Variants in SAMD5 observed in about 807,000 individuals in gnomAD.
SAMD5 encodes sterile alpha motif domain-containing protein 5.
SAMD5 carries 13 observed loss-of-function variants against 11.3 expected under a neutral mutation model. The observed-to-expected ratio is 1.15, with a 90% CI of 0.75 to 1.83. The LOEUF is 1.83. Among genes scored for constraint, SAMD5 ranks in the 40% most tolerant of loss-of-function variants. SAMD5 has a pLI of 0.00. For synonymous variants in SAMD5, 129 were observed against 111.3 expected (o/e 1.16, Z -1.00); for missense variants, 255 against 239.1 (o/e 1.07, Z -0.44).
At chr6:147,800,846 A>G in the SAMD5 span, among the ~76,000 whole-genome samples, 2 of 152,184 alleles carry the variant, frequency 1.3e-5, no homozygotes, top group African/African-American at 4.8e-5. Context: ...CATTTGTGTA[A>G]CAAATACCTT....
the SAMD5 span, among the ~76,000 whole-genome samples, chr6:147,843,649 T>C: frequency 6.6e-6 from 1 of 152,074 alleles, no homozygotes; most frequent in Admixed American, 6.6e-5. Context: ...AACAGACACG[T>C]CAACCAATGA....
At chr6:147,786,712 ATT>A in the SAMD5 span, among the ~76,000 whole-genome samples, 1 of 152,210 alleles carries the variant, frequency 6.6e-6, no homozygotes, top group Admixed American at 6.5e-5. Flanking sequence ...AGTTGGGCTC[ATT>A]TTGATGCTAT....
At chr6:147,520,747 A>G (rs2128439967) in intron 1 of SAMD5, among the ~76,000 whole-genome samples, 1 of 152,294 alleles carries the variant, frequency 6.6e-6, no homozygotes, top group South Asian at 2.1e-4. Context: ...GATATAATTG[A>G]CAAATAAAAA....
chr6:147,726,120 T>C (rs1213531183), intron 1 of SAMD5, among the ~76,000 whole-genome samples: 2 of 152,206 alleles, frequency 1.3e-5, no homozygotes. Flanking sequence ...CTACTATTGC[T>C]AGAAACTGCA....
intron 1 of SAMD5, among the ~76,000 whole-genome samples, chr6:147,539,491 C>A (rs905031157): frequency 5.9e-5 from 9 of 152,132 alleles, no homozygotes; most frequent in Non-Finnish European, 1.3e-4. Flanking sequence ...AAACTCAAAA[C>A]CGTCAGATAT....
chr6:147,747,627 C>T, the SAMD5 span, among the ~76,000 whole-genome samples: 1 of 152,194 alleles, frequency 6.6e-6, no homozygotes, highest in African/African-American at 2.4e-5. Flanking sequence ...CTTTCCACCT[C>T]AGCCTCCCGT....
At chr6:147,768,305 C>T in the SAMD5 span, among the ~76,000 whole-genome samples, 2 of 152,144 alleles carry the variant, frequency 1.3e-5, no homozygotes, top group African/African-American at 4.8e-5. Context: ...CGAAACCAGC[C>T]TGGCCAACAT....
intron 1 of SAMD5, among the ~76,000 whole-genome samples, chr6:147,596,684 T>A (rs1374490823): frequency 6.6e-6 from 1 of 152,218 alleles, no homozygotes; most frequent in Non-Finnish European, 1.5e-5. Flanking sequence ...TCACTTAGAT[T>A]TACTCTAGCC....
At chr6:147,726,224 C>A (rs968311797) in intron 1 of SAMD5, among the ~76,000 whole-genome samples, 23 of 152,312 alleles carry the variant, frequency 1.5e-4, no homozygotes, top group African/African-American at 4.8e-4. Flanking sequence ...CTACCACCCA[C>A]CCCCGTTCCT....
At chr6:147,824,689 T>C in the SAMD5 span, among the ~76,000 whole-genome samples, 1 of 152,206 alleles carries the variant, frequency 6.6e-6, no homozygotes. Flanking sequence ...TAAATGTAAA[T>C]TTAAAATTTA....
At chr6:147,702,014 A>G (rs1791260019) in intron 1 of SAMD5, among the ~76,000 whole-genome samples, 1 of 152,244 alleles carries the variant, frequency 6.6e-6, no homozygotes, top group Non-Finnish European at 1.5e-5. Context: ...CTGCTAAAAA[A>G]GACATACCTG....
intron 1 of SAMD5, among the ~76,000 whole-genome samples, chr6:147,680,153 T>A (rs544637321): frequency 8.4e-6 from 1 of 119,402 alleles, no homozygotes; most frequent in Non-Finnish European, 1.9e-5. Context: ...TTAATGACAA[T>A]GATGAGTCTT....
the SAMD5 span, among the ~76,000 whole-genome samples, chr6:147,884,244 T>C: frequency 6.6e-6 from 1 of 152,058 alleles, no homozygotes; most frequent in East Asian, 1.9e-4. Flanking sequence ...TAGGGAGGGC[T>C]GGCGCATTTA....
At chr6:147,733,031 C>T (rs1164295142) in intron 1 of SAMD5, among the ~76,000 whole-genome samples, 1 of 152,222 alleles carries the variant, frequency 6.6e-6, no homozygotes, top group Non-Finnish European at 1.5e-5. Flanking sequence ...CGTTGGGTGT[C>T]AACTGATTCC....
the SAMD5 span, among the ~76,000 whole-genome samples, chr6:147,804,858 A>G: frequency 1.3e-5 from 2 of 152,228 alleles, no homozygotes. Flanking sequence ...TTATGTCTCT[A>G]TAAAATTCTA....
the SAMD5 span, among the ~76,000 whole-genome samples, chr6:147,832,508 A>C: frequency 1.3e-5 from 2 of 152,112 alleles, 1 homozygote; most frequent in South Asian, 4.2e-4. Context: ...CTGATGGTCC[A>C]CCCCATTCAT....
the SAMD5 span, among the ~76,000 whole-genome samples, chr6:147,755,447 T>A: frequency 6.6e-6 from 1 of 152,144 alleles, no homozygotes; most frequent in African/African-American, 2.4e-5. Flanking sequence ...GCAGCCACTG[T>A]CAATGGTACT....
the SAMD5 span, among the ~76,000 whole-genome samples, chr6:147,864,672 TGTG>T: frequency 6.6e-6 from 1 of 152,340 alleles, no homozygotes. Flanking sequence ...ACTTATTTGT[TGTG>T]GTGTGTGAAT....
the SAMD5 span, among the ~76,000 whole-genome samples, chr6:147,917,369 CTG>C: frequency 2.0e-5 from 3 of 149,046 alleles, no homozygotes; most frequent in Non-Finnish European, 4.5e-5. Flanking sequence ...TGAGAAGTGT[CTG>C]TTCATGTCCT....
Sources: allele counts gnomAD v4.1 joint callset (sites outside exome capture counted in the v4.1 genomes callset), GRCh38; gene constraint gnomAD v4.1.1; transcripts MANE v1.5; gene names NCBI Gene and HGNC (gene_info 2026-07-23, HGNC 2026-07-21).